PCDHA8: variants seen among roughly 807,000 people sequenced by gnomAD.
The protein encoded by PCDHA8 is protocadherin alpha-8.
Under a neutral mutation model 61.8 loss-of-function variants are expected in PCDHA8, and 53 were observed. The observed-to-expected ratio is 0.86, with a 90% CI of 0.69 to 1.08. The LOEUF (loss-of-function observed/expected upper bound fraction) is 1.08, where lower values mean the gene tolerates loss of function less well. PCDHA8 is among the 50% of genes least tolerant of loss of function. The pLI is 0.00. For missense variants in PCDHA8, 1,293 were observed against 1,245.0 expected (o/e 1.04, Z -0.58); for synonymous variants, 618 against 556.6 (o/e 1.11, Z -1.55).
At chr5:141,008,014 CT>C (rs1268690822) in intron 3 of PCDHA8, among the ~76,000 whole-genome samples, 12 of 152,070 alleles carry the variant, frequency 7.9e-5, no homozygotes, top group African/African-American at 1.7e-4. Flanking sequence ...CTTCTGTTTC[CT>C]TTTTTTTCTT....
At position 140,892,846 on chromosome 5, in the gene PCDHA8, A is replaced by G. The variant is rs1301960107; in HGVS notation, c.2394+49131A>G. Among the ~76,000 whole-genome samples, 3 of 152,112 alleles carry G rather than the reference A, an allele frequency of 2.0e-5. No homozygotes were observed. In the East Asian group the frequency reaches 5.8e-4, roughly 29 times the overall value. On this transcript the variant is annotated intron_variant, in intron 1 of 3. Transcript: ENST00000531613. ...TGCTACAGTGCTGCAAAACACCACA[A>G]CCCATTCCTCCTGTGTAGCTATAAT...
At chr5:140,858,600 T>TA (rs1554151860) in intron 1 of PCDHA8, 1 of 1,293,862 alleles carries the variant, frequency 7.7e-7, no homozygotes, top group Non-Finnish European at 1.1e-6. Context: ...CCAGGAGTTT[T>TA]AAAATTTTTT....
At chr5:140,966,505 A>T in intron 1 of PCDHA8, 1 of 427,984 alleles carries the variant, frequency 2.3e-6, no homozygotes, top group Non-Finnish European at 4.1e-6. Context: ...CTGTAGCGGC[A>T]GCAGCAGCAG....
rs78805068 is a variant in PCDHA8, at chr5:140,928,696, C to T, written c.2395-50253C>T. On this transcript the variant is annotated intron_variant, in intron 1 of 3. Transcript: ENST00000531613. ...TGCCTGGCTTTCCTACCACATCTCC[C>T]GGGCGTCTGACTCTAGTCTCTTTAG... The T allele has an allele frequency of 3.2e-3, 5,185 of 1,614,146 alleles. 27 individuals carry two copies. The highest frequency in any genetic ancestry group is 0.019 in the African/African-American group (1,449 of 75,020).
chr5:140,960,553 C>T (rs2095555809), intron 1 of PCDHA8, among the ~76,000 whole-genome samples: 1 of 152,078 alleles, frequency 6.6e-6, no homozygotes, highest in Non-Finnish European at 1.5e-5. Context: ...TTCATATAGA[C>T]TGAGCTTAGG....
chr5:140,969,028 A>G (rs1554231371), intron 1 of PCDHA8: 1 of 1,614,208 alleles, frequency 6.2e-7, no homozygotes, highest in Non-Finnish European at 8.5e-7. Context: ...GGTCCCCTGC[A>G]GAACTGTACA....
chr5:140,857,262 C>A (rs969366268), intron 1 of PCDHA8: 1 of 1,598,710 alleles, frequency 6.3e-7, no homozygotes, highest in Non-Finnish European at 8.6e-7. Context: ...AATTACTACT[C>A]ATTGGTGCTG....
chr5:140,870,852 G>C (rs782301779), intron 1 of PCDHA8: 3 of 1,613,862 alleles, frequency 1.9e-6, no homozygotes, highest in Non-Finnish European at 2.5e-6. Flanking sequence ...TACCGCGGTC[G>C]GTGGGTGCGG....
At chr5:140,871,429 C>T in intron 1 of PCDHA8, 1 of 1,613,216 alleles carries the variant, frequency 6.2e-7, no homozygotes, top group Admixed American at 1.7e-5. Context: ...CCCCAGTCTT[C>T]CTCTAGGTCT....
chr5:140,897,435 A>G (rs1382805623), intron 1 of PCDHA8, among the ~76,000 whole-genome samples: 1 of 147,702 alleles, frequency 6.8e-6, no homozygotes, highest in Non-Finnish European at 1.5e-5. Flanking sequence ...GAGAACATGC[A>G]GTGTTTGGTT....
At chr5:141,009,107 G>A (rs1329490009) in intron 3 of PCDHA8, among the ~76,000 whole-genome samples, 6 of 152,180 alleles carry the variant, frequency 3.9e-5, no homozygotes, top group African/African-American at 1.4e-4. Flanking sequence ...ATGTTACTAT[G>A]AAACTAGATT....
At chr5:140,921,285 T>G (rs1275527554) in intron 1 of PCDHA8, among the ~76,000 whole-genome samples, 1 of 152,180 alleles carries the variant, frequency 6.6e-6, no homozygotes. Context: ...GAAAAAAACC[T>G]CAAATTTGCT....
At chr5:140,946,447 A>G (rs1206019841) in intron 1 of PCDHA8, among the ~76,000 whole-genome samples, 6 of 151,544 alleles carry the variant, frequency 4.0e-5, no homozygotes, top group Non-Finnish European at 7.4e-5. Context: ...AGACTAAAAC[A>G]ACTATCCAGC....
intron 1 of PCDHA8, among the ~76,000 whole-genome samples, chr5:140,914,914 G>A (rs2076876381): frequency 7.0e-6 from 1 of 143,682 alleles, no homozygotes; most frequent in African/African-American, 2.6e-5. Context: ...GTTTCTCTGT[G>A]TCTTATTGTA....
intron 1 of PCDHA8, among the ~76,000 whole-genome samples, chr5:140,900,088 G>C (rs545975836): frequency 6.6e-6 from 1 of 152,240 alleles, no homozygotes; most frequent in African/African-American, 2.4e-5. Context: ...GCAGTTACAA[G>C]CATGCGCCAC....
rs146582216 is a variant in PCDHA8 at position 140,843,257 on chromosome 5, C to T, written c.1936C>T (p.Arg646Cys). Residue 646 changes from arginine to cysteine, a missense_variant, in exon 1 of 4, where the codon CGT becomes TGT. Arg to Cys is a radical substitution (Grantham distance 180). Coordinates refer to ENST00000531613, the MANE Select transcript of PCDHA8 (RefSeq NM_018911.3). ...GGACGAAGCGGACTCTCCGCGCCACCGTCTGCTGGTCCTGGTGAAGGATCA... is the reference window on the plus strand; with the variant it reads ...GGACGAAGCGGACTCTCCGCGCCACTGTCTGCTGGTCCTGGTGAAGGATCA... ...VLDEADSPRH[R>C]LLVLVKDHGE... The T allele has an allele frequency of 6.3e-7, 1 of 1,595,938 alleles. No homozygotes were observed. Among genetic ancestry groups the T allele is most frequent in the African/African-American group, 1.3e-5 (1 of 74,452 alleles).
chr5:141,004,037 G>A (rs946974688), intron 3 of PCDHA8, among the ~76,000 whole-genome samples: 1 of 152,200 alleles, frequency 6.6e-6, no homozygotes, highest in African/African-American at 2.4e-5. Flanking sequence ...TTCCTTGATT[G>A]ATCATTTGCT....
At chr5:140,871,183 G>A (rs782647681) in intron 1 of PCDHA8, 2 of 1,613,586 alleles carry the variant, frequency 1.2e-6, no homozygotes, top group South Asian at 2.2e-5. Flanking sequence ...TGCGCTGGTG[G>A]ATGTCAACGT....
intron 1 of PCDHA8, chr5:140,863,386 T>C (rs1554158163): frequency 9.7e-7 from 1 of 1,032,576 alleles, no homozygotes; most frequent in South Asian, 1.2e-5. Flanking sequence ...CGAGAGCTCG[T>C]GCATGCCGGG....
Sources: allele counts gnomAD v4.1 joint callset (sites outside exome capture counted in the v4.1 genomes callset), GRCh38; gene constraint gnomAD v4.1.1; transcripts MANE v1.5; gene names NCBI Gene and HGNC (gene_info 2026-07-23, HGNC 2026-07-21).